Variants in DYTN observed in about 807,000 individuals in gnomAD.
DYTN encodes the protein dystrotelin.
DYTN carries 75 observed loss-of-function variants against 69.6 expected under a neutral mutation model. That is an observed-to-expected ratio of 1.08 (90% CI 0.89 to 1.31). The LOEUF is 1.31. Among genes scored for constraint, DYTN ranks in the 50% most tolerant of loss-of-function variants. The pLI, the probability that DYTN is intolerant of heterozygous loss-of-function variation, is 0.00. For synonymous variants in DYTN, 252 were observed against 249.1 expected (o/e 1.01, Z -0.11); for missense variants, 726 against 688.4 (o/e 1.05, Z -0.61).
chr2:206,716,934 G>A (rs568584527), intron 1 of DYTN, among the ~76,000 whole-genome samples: 2 of 151,990 alleles, frequency 1.3e-5, no homozygotes, highest in East Asian at 1.9e-4. Context: ...AGCATAACAC[G>A]GCAAGCTGTG....
At chr2:206,714,919 C>T (rs1700112705) in intron 1 of DYTN, among the ~76,000 whole-genome samples, 2 of 152,152 alleles carry the variant, frequency 1.3e-5, no homozygotes, top group African/African-American at 2.4e-5. Flanking sequence ...ATAGTTCCCT[C>T]CCAAACTTAA....
chr2:206,661,411 T>C (rs1022941703), intron 11 of DYTN, among the ~76,000 whole-genome samples: 2 of 152,144 alleles, frequency 1.3e-5, no homozygotes, highest in African/African-American at 4.8e-5. Flanking sequence ...AACTTAAGCT[T>C]TCTTAGAAAG....
chr2:206,668,651 G>A (rs1477443258), intron 9 of DYTN, among the ~76,000 whole-genome samples: 2 of 152,106 alleles, frequency 1.3e-5, no homozygotes, highest in African/African-American at 4.8e-5. Context: ...ATACTCCCTA[G>A]GCAAGCTAAT....
intron 8 of DYTN, among the ~76,000 whole-genome samples, chr2:206,693,737 C>A (rs1174630863): frequency 1.3e-5 from 2 of 152,178 alleles, no homozygotes; most frequent in East Asian, 3.8e-4. Flanking sequence ...CACAGGCTCA[C>A]CCGAAATCCA....
At chr2:206,659,483 T>TC (rs1325154488) in intron 11 of DYTN, among the ~76,000 whole-genome samples, 1 of 25,060 alleles carries the variant, frequency 4.0e-5, no homozygotes, top group Non-Finnish European at 7.2e-5. Context: ...CCAACAATTC[T>TC]CAAAAAAAAA....
intron 1 of DYTN, among the ~76,000 whole-genome samples, chr2:206,717,125 A>G (rs915873819): frequency 2.0e-5 from 3 of 151,994 alleles, no homozygotes; most frequent in Non-Finnish European, 4.4e-5. Flanking sequence ...TCACGCCCAA[A>G]GCTATGAACA....
chr2:206,691,153 C>G (rs1353016027), intron 9 of DYTN, among the ~76,000 whole-genome samples: 2 of 152,148 alleles, frequency 1.3e-5, no homozygotes, highest in Non-Finnish European at 1.5e-5. Context: ...TGGCTCACAC[C>G]TGTAATCCCA....
chr2:206,714,734 G>T (rs1328342466), intron 1 of DYTN, among the ~76,000 whole-genome samples: 4 of 152,162 alleles, frequency 2.6e-5, no homozygotes, highest in African/African-American at 9.7e-5. Context: ...CCAGCCACAG[G>T]TGTGACAAGG....
At chr2:206,688,101 A>G (rs1188758679) in intron 9 of DYTN, among the ~76,000 whole-genome samples, 1 of 152,222 alleles carries the variant, frequency 6.6e-6, no homozygotes, top group Non-Finnish European at 1.5e-5. Flanking sequence ...ATGAACAGTG[A>G]ATTAGGAAAT....
intron 1 of DYTN, among the ~76,000 whole-genome samples, chr2:206,717,975 G>C (rs1025720492): frequency 1.3e-5 from 2 of 152,160 alleles, no homozygotes; most frequent in African/African-American, 4.8e-5. Flanking sequence ...TAAGGTAATA[G>C]TTTCTGTGTA....
At chr2:206,695,763 T>C (rs1699913271) in intron 7 of DYTN, among the ~76,000 whole-genome samples, 1 of 152,168 alleles carries the variant, frequency 6.6e-6, no homozygotes, top group African/African-American at 2.4e-5. Flanking sequence ...CTAACTGCAG[T>C]GTGTGTGGTA....
At chr2:206,707,636 T>A (rs1700040765) in intron 2 of DYTN, 133 bp from the exon 3 acceptor site, 2 of 812,074 alleles carry the variant, frequency 2.5e-6, no homozygotes, top group East Asian at 5.4e-5. Context: ...GGGAATGAAA[T>A]ATGACTACTA....
At chr2:206,713,515 G>A (rs1379115984) in intron 1 of DYTN, among the ~76,000 whole-genome samples, 4 of 152,200 alleles carry the variant, frequency 2.6e-5, no homozygotes, top group African/African-American at 7.2e-5. Flanking sequence ...AGCATAAAAG[G>A]AGATGATGCG....
chr2:206,659,348 T>G (rs1449840961), intron 11 of DYTN, among the ~76,000 whole-genome samples: 1 of 151,098 alleles, frequency 6.6e-6, no homozygotes, highest in Non-Finnish European at 1.5e-5. Context: ...ATTTTTTTTG[T>G]ATTTTTTAGT....
intron 9 of DYTN, among the ~76,000 whole-genome samples, chr2:206,676,867 C>A (rs1279500216): frequency 6.6e-6 from 1 of 152,064 alleles, no homozygotes; most frequent in Non-Finnish European, 1.5e-5. Flanking sequence ...ACAGGTGCAC[C>A]TTTATCCCCA....
At position 206,663,088 on chromosome 2, in the gene DYTN, T is replaced by C; in HGVS notation, c.1448A>G (p.Tyr483Cys). The change falls in exon 11 of 12, where the codon TAT (tyrosine) becomes TGT (cysteine). Residue 483 changes from tyrosine to cysteine, a missense_variant. Tyr to Cys is a radical substitution (Grantham distance 194). Coordinates refer to ENST00000452335, the MANE Select transcript of DYTN (RefSeq NM_001093730.1). ...PQKVISALPS[Y>C]QEGLKQDIPK... Reference sequence around the variant, plus strand: ...GATGTCCTGCTTCAGTCCCTCCTGATAACTGGGTAGGGCACTAATGACTTT... The same window carrying C: ...GATGTCCTGCTTCAGTCCCTCCTGACAACTGGGTAGGGCACTAATGACTTT... 1.2e-6 allele frequency: 2 copies of C among 1,613,892 alleles called. No individual in the cohort carries two copies. The highest frequency in any genetic ancestry group is 1.7e-6 in the Non-Finnish European group (2 of 1,179,874).
intron 8 of DYTN, 142 bp from the exon 9 acceptor site, chr2:206,693,465 T>A: frequency 8.9e-7 from 1 of 1,118,688 alleles, no homozygotes; most frequent in Non-Finnish European, 1.2e-6. Context: ...TACCTCCTTC[T>A]TGTCCCTGAA....
intron 4 of DYTN, among the ~76,000 whole-genome samples, chr2:206,705,241 C>T (rs1424902975): frequency 2.0e-5 from 3 of 152,184 alleles, no homozygotes; most frequent in Admixed American, 6.5e-5. Flanking sequence ...GGATTACAGG[C>T]GTGTGCCACC....
intron 1 of DYTN, among the ~76,000 whole-genome samples, chr2:206,711,083 A>G (rs1574605104): frequency 6.6e-6 from 1 of 152,350 alleles, no homozygotes; most frequent in Admixed American, 6.5e-5. Flanking sequence ...TCAACTAGAT[A>G]GATAAAGATG....
Sources: allele counts gnomAD v4.1 joint callset (sites outside exome capture counted in the v4.1 genomes callset), GRCh38; gene constraint gnomAD v4.1.1; transcripts MANE v1.5; gene names NCBI Gene and HGNC (gene_info 2026-07-23, HGNC 2026-07-21).